Variants in LRMDA observed in about 807,000 individuals in gnomAD.
The protein encoded by LRMDA is leucine rich melanocyte differentiation associated.
Under a neutral mutation model 29.8 loss-of-function variants are expected in LRMDA, and 18 were observed. The observed-to-expected ratio is 0.60, with a 90% confidence interval of 0.42 to 0.90. The LOEUF is 0.90. LRMDA is among the 40% of genes least tolerant of loss of function. LRMDA has a pLI of 0.00. For missense variants in LRMDA, 273 were observed against 273.9 expected (o/e 1.00, Z 0.02); for synonymous variants, 125 against 109.4 (o/e 1.14, Z -0.89).
intron 5 of LRMDA, among the ~76,000 whole-genome samples, chr10:76,160,438 T>A (rs1430173633): frequency 1.3e-5 from 2 of 152,112 alleles, no homozygotes; most frequent in Non-Finnish European, 2.9e-5. Context: ...TGGTTATATT[T>A]AAAATTTTTT....
intron 2 of LRMDA, among the ~76,000 whole-genome samples, chr10:75,592,533 G>A (rs958576911): frequency 9.9e-5 from 15 of 152,184 alleles, no homozygotes; most frequent in Non-Finnish European, 1.6e-4. Flanking sequence ...CGGGGGCGAG[G>A]GGAGAGGGTC....
chr10:75,868,450 G>T (rs1845055414), intron 2 of LRMDA, among the ~76,000 whole-genome samples: 1 of 152,172 alleles, frequency 6.6e-6, no homozygotes, highest in Non-Finnish European at 1.5e-5. Context: ...ATAGGAGAAT[G>T]CCTAGTAAAC....
At chr10:75,860,158 A>G (rs1393672573) in intron 2 of LRMDA, among the ~76,000 whole-genome samples, 4 of 152,126 alleles carry the variant, frequency 2.6e-5, no homozygotes, top group Non-Finnish European at 5.9e-5. Flanking sequence ...GTATTTCACA[A>G]AATTTATGAG....
chr10:76,194,010 T>G (rs1487780038), intron 5 of LRMDA, among the ~76,000 whole-genome samples: 3 of 152,066 alleles, frequency 2.0e-5, no homozygotes, highest in African/African-American at 7.2e-5. Flanking sequence ...AGGCAGGGAG[T>G]AGAGCCAGTG....
At chr10:75,604,805 T>C (rs1046199875) in intron 2 of LRMDA, among the ~76,000 whole-genome samples, 12 of 152,188 alleles carry the variant, frequency 7.9e-5, no homozygotes, top group African/African-American at 2.9e-4. Context: ...GCCCCACCAC[T>C]TACCAATCAG....
chr10:75,632,035 A>G (rs1269940539), intron 2 of LRMDA, among the ~76,000 whole-genome samples: 3 of 152,130 alleles, frequency 2.0e-5, no homozygotes, highest in African/African-American at 7.2e-5. Context: ...GTTGGCTCCT[A>G]ATATTCCCAG....
intron 5 of LRMDA, among the ~76,000 whole-genome samples, chr10:76,274,722 A>G (rs1840110001): frequency 6.6e-6 from 1 of 152,196 alleles, no homozygotes; most frequent in Non-Finnish European, 1.5e-5. Context: ...AATCACTGTA[A>G]TGGTAGAAAA....
At chr10:76,464,287 G>A (rs917670508) in intron 6 of LRMDA, among the ~76,000 whole-genome samples, 14 of 152,088 alleles carry the variant, frequency 9.2e-5, no homozygotes, top group Admixed American at 3.9e-4. Flanking sequence ...GGGTATTCCC[G>A]GAAGAGAGAT....
chr10:76,315,516 A>G (rs1454328686), intron 5 of LRMDA, among the ~76,000 whole-genome samples: 3 of 152,220 alleles, frequency 2.0e-5, no homozygotes, highest in Non-Finnish European at 2.9e-5. Flanking sequence ...GTCGTGACTC[A>G]GCTGCGTTTG....
chr10:75,634,173 C>A (rs564436904), intron 2 of LRMDA, among the ~76,000 whole-genome samples: 56 of 152,266 alleles, frequency 3.7e-4, no homozygotes, highest in African/African-American at 1.3e-3. Context: ...AAATCAAAAG[C>A]AGACATCTTC....
intron 2 of LRMDA, among the ~76,000 whole-genome samples, chr10:75,804,773 C>G (rs1843819878): frequency 6.6e-6 from 1 of 152,210 alleles, no homozygotes; most frequent in Non-Finnish European, 1.5e-5. Flanking sequence ...AGATAGATGG[C>G]TCTAAAATGG....
chr10:75,477,121 G>T (rs1380747356), intron 2 of LRMDA, among the ~76,000 whole-genome samples: 1 of 152,012 alleles, frequency 6.6e-6, no homozygotes, highest in African/African-American at 2.4e-5. Context: ...TTCCCAAGTA[G>T]ATAGGACTAC....
chr10:75,886,626 G>C (rs892297786), intron 2 of LRMDA, among the ~76,000 whole-genome samples: 2 of 152,198 alleles, frequency 1.3e-5, no homozygotes, highest in African/African-American at 4.8e-5. Context: ...CTGTGTGACA[G>C]TGTTTTTCTC....
At chr10:75,793,319 C>T (rs1843599735) in intron 2 of LRMDA, among the ~76,000 whole-genome samples, 1 of 152,100 alleles carries the variant, frequency 6.6e-6, no homozygotes, top group South Asian at 2.1e-4. Context: ...AGTCTAGATC[C>T]ATTAGGAAAG....
chr10:75,730,929 T>C (rs889642797), intron 2 of LRMDA, among the ~76,000 whole-genome samples: 15 of 152,218 alleles, frequency 9.9e-5, no homozygotes, highest in Admixed American at 3.3e-4. Context: ...TTAGCAGTTA[T>C]TTTTGAGAGA....
chr10:76,412,084 G>C (rs531404475), intron 6 of LRMDA, among the ~76,000 whole-genome samples: 1 of 152,304 alleles, frequency 6.6e-6, no homozygotes, highest in East Asian at 1.9e-4. Context: ...TCGAAATTTT[G>C]AACATTTCCC....
At chr10:75,997,344 T>C (rs1847486660) in intron 2 of LRMDA, among the ~76,000 whole-genome samples, 1 of 152,220 alleles carries the variant, frequency 6.6e-6, no homozygotes, top group African/African-American at 2.4e-5. Context: ...GAAACCCCAC[T>C]ATTTAATAGC....
At chr10:76,420,371 A>C (rs1482422030) in intron 6 of LRMDA, among the ~76,000 whole-genome samples, 5 of 151,950 alleles carry the variant, frequency 3.3e-5, no homozygotes. Context: ...TTCAGGTACT[A>C]TATTGATACT....
intron 2 of LRMDA, among the ~76,000 whole-genome samples, chr10:75,607,776 A>T (rs1476027621): frequency 2.0e-5 from 3 of 150,952 alleles, no homozygotes; most frequent in African/African-American, 4.9e-5. Flanking sequence ...AAGGAACTTT[A>T]AAAAATTGTG....
Sources: allele counts gnomAD v4.1 joint callset (sites outside exome capture counted in the v4.1 genomes callset), GRCh38; gene constraint gnomAD v4.1.1; transcripts MANE v1.5; gene names NCBI Gene and HGNC (gene_info 2026-07-23, HGNC 2026-07-21).